TSPAN14: variants seen among roughly 807,000 people sequenced by gnomAD.
TSPAN14 encodes the protein tetraspanin 14.
TSPAN14 carries 16 observed loss-of-function variants against 36.6 expected under a neutral mutation model. That is an observed-to-expected ratio of 0.44 (90% CI 0.30 to 0.66). The LOEUF (loss-of-function observed/expected upper bound fraction) is 0.66. TSPAN14 is among the 30% of genes least tolerant of loss of function. The probability of loss-of-function intolerance (pLI) is 0.12; values close to 1 mark genes in which losing one functional copy is unlikely to be tolerated. For missense variants in TSPAN14, 231 were observed against 355.1 expected (o/e 0.65, Z 2.81); for synonymous variants, 139 against 143.8 (o/e 0.97, Z 0.24).
At chr10:80,480,009 A>G (rs1196189475) in intron 1 of TSPAN14, among the ~76,000 whole-genome samples, 7 of 141,408 alleles carry the variant, frequency 5.0e-5, no homozygotes, top group Non-Finnish European at 3.1e-5. Flanking sequence ...GGTCCTTCAC[A>G]TCCCTTGTAA....
chr10:80,458,236 G>A (rs916584564), intron 1 of TSPAN14, among the ~76,000 whole-genome samples: 2 of 98,808 alleles, frequency 2.0e-5, no homozygotes, highest in East Asian at 1.5e-3. Flanking sequence ...AGCAGTGGTA[G>A]CGAGGTGACT....
intron 1 of TSPAN14, among the ~76,000 whole-genome samples, chr10:80,477,222 CT>C (rs1846968880): frequency 6.6e-6 from 1 of 152,212 alleles, no homozygotes; most frequent in East Asian, 1.9e-4. Context: ...GATGATCCCC[CT>C]ATGTTAAGAT....
At chr10:80,479,735 C>T (rs1847142416) in intron 1 of TSPAN14, among the ~76,000 whole-genome samples, 1 of 151,726 alleles carries the variant, frequency 6.6e-6, no homozygotes, top group Admixed American at 6.6e-5. Context: ...GTGATGCCTC[C>T]AGCTTTGTTC....
chr10:80,467,768 A>G (rs1002460394), intron 1 of TSPAN14, among the ~76,000 whole-genome samples: 1 of 152,154 alleles, frequency 6.6e-6, no homozygotes, highest in Non-Finnish European at 1.5e-5. Context: ...CCTGAGCCCA[A>G]ACACACACTC....
intron 1 of TSPAN14, among the ~76,000 whole-genome samples, chr10:80,458,218 G>A (rs533834876): frequency 7.5e-6 from 1 of 133,984 alleles, no homozygotes; most frequent in East Asian, 2.6e-4. Context: ...AGGCATAGGG[G>A]TGTAGAAAGC....
At chr10:80,522,618 TAAGAG>T (rs2132084026) in exon 9 of TSPAN14, 1 of 152,266 alleles carries the variant, frequency 6.6e-6, no homozygotes, top group Non-Finnish European at 1.5e-5. Flanking sequence ...AATCTAAACA[TAAGAG>T]AATGTAAAGT....
Position 80,488,063 on chromosome 10 carries a change from G to A in TSPAN14, c.-17-1154G>A, listed in dbSNP as rs965278980. 2.6e-5 allele frequency among the ~76,000 whole-genome samples: 4 copies of A among 152,158 alleles called. No homozygotes were observed. The South Asian group carries it at 6.2e-4, about 24-fold the overall frequency. On this transcript the variant is annotated intron_variant, in intron 1 of 8. Coordinates refer to ENST00000429989, the Ensembl canonical transcript of TSPAN14. ...TCTCACTGGCGGATGTGGGTGGGTCGCCTCCTCACCTCTAGGGTGGCCTTG... is the reference window on the plus strand; with the variant it reads ...TCTCACTGGCGGATGTGGGTGGGTCACCTCCTCACCTCTAGGGTGGCCTTG...
chr10:80,485,879 G>A (rs1847565361), intron 1 of TSPAN14, among the ~76,000 whole-genome samples: 1 of 152,220 alleles, frequency 6.6e-6, no homozygotes, highest in African/African-American at 2.4e-5. Context: ...GACCTCATGG[G>A]GTTATCCTGG....
chr10:80,484,451 C>T (rs74886916), intron 1 of TSPAN14, among the ~76,000 whole-genome samples: 2,263 of 152,160 alleles, frequency 0.015, 81 homozygotes, highest in East Asian at 0.12. Context: ...CAGCCTCCCA[C>T]GTAGCTGGGA....
chr10:80,480,762 A>G (rs1419066546), intron 1 of TSPAN14, among the ~76,000 whole-genome samples: 1 of 151,874 alleles, frequency 6.6e-6, no homozygotes, highest in Non-Finnish European at 1.5e-5. Context: ...GGGGAACGTC[A>G]CACTCTGGGG....
intron 1 of TSPAN14, among the ~76,000 whole-genome samples, chr10:80,484,453 T>C (rs1359698317): frequency 6.6e-6 from 1 of 152,150 alleles, no homozygotes; most frequent in African/African-American, 2.4e-5. Flanking sequence ...GCCTCCCACG[T>C]AGCTGGGACT....
intron 1 of TSPAN14, among the ~76,000 whole-genome samples, chr10:80,486,962 A>G (rs989465862): frequency 6.6e-6 from 1 of 152,174 alleles, no homozygotes; most frequent in Non-Finnish European, 1.5e-5. Context: ...TGGCTCATGC[A>G]GGTAATCTCA....
intron 1 of TSPAN14, among the ~76,000 whole-genome samples, chr10:80,474,005 TC>T (rs1846711760): frequency 6.6e-6 from 1 of 152,106 alleles, no homozygotes; most frequent in African/African-American, 2.4e-5. Flanking sequence ...CTCCTAGGCT[TC>T]TCTCCCTGGG....
At chr10:80,493,960 C>A (rs986723234) in intron 2 of TSPAN14, among the ~76,000 whole-genome samples, 1 of 152,240 alleles carries the variant, frequency 6.6e-6, no homozygotes, top group Non-Finnish European at 1.5e-5. Context: ...ATGTCTGCAA[C>A]TCCAGGGTTG....
exon 9 of TSPAN14, chr10:80,520,623 T>C (rs770405653): frequency 1.9e-6 from 1 of 533,474 alleles, no homozygotes; most frequent in Admixed American, 1.9e-5. Context: ...GTCAACGTTA[T>C]TTTTCCTGTC....
chr10:80,518,317 G>A (rs1841059471), exon 9 of TSPAN14: 1 of 359,338 alleles, frequency 2.8e-6, no homozygotes. Flanking sequence ...ATGTCTGCAG[G>A]ACACCCTGGT....
At chr10:80,455,534 C>T (rs1453867245) in intron 1 of TSPAN14, among the ~76,000 whole-genome samples, 2 of 152,128 alleles carry the variant, frequency 1.3e-5, no homozygotes, top group Non-Finnish European at 1.5e-5. Context: ...CTTCCCCTTG[C>T]CCCTTGACCT....
rs980939166 is a variant in TSPAN14, at chr10:80,512,341, G to A, written c.576+72G>A. 3.2e-6 allele frequency: 5 copies of A among 1,583,772 alleles called. No individual in the cohort carries two copies. The African/African-American group carries it at 6.7e-5, about 21-fold the overall frequency. On this transcript the variant is annotated intron_variant, in intron 6 of 8. Coordinates refer to ENST00000429989, the Ensembl canonical transcript of TSPAN14. ...CCCAGAAGCTTTCCTGACTCCTCCA[G>A]TGCTCTAGGATACTTCTCTGTCATG...
In TSPAN14 at chr10:80,505,179, G is replaced by A. The variant is rs572175886; in HGVS notation, c.132+401G>A. Among the ~76,000 whole-genome samples, 3 of 152,354 alleles carry A rather than the reference G, an allele frequency of 2.0e-5. No individual in the cohort carries two copies. The South Asian group carries it at 6.2e-4, about 32-fold the overall frequency. On this transcript the variant is annotated intron_variant, in intron 3 of 8. Transcript: ENST00000429989. Reference sequence around the variant, plus strand: ...GAAAGAGCAGGCAGCAGGGAGCGGGGCTGGGTGACATGCCCCCAGGGTGCC... The same window carrying A: ...GAAAGAGCAGGCAGCAGGGAGCGGGACTGGGTGACATGCCCCCAGGGTGCC...
Sources: gnomAD v4.1 joint callset for allele counts (sites outside exome capture counted in the v4.1 genomes callset) on GRCh38, gnomAD v4.1.1 for gene constraint, MANE v1.5 for transcripts, NCBI Gene and HGNC (gene_info 2026-07-23, HGNC 2026-07-21) for gene names.